KCND3: variants seen among roughly 807,000 people sequenced by gnomAD.
The protein encoded by KCND3 is A-type voltage-gated potassium channel KCND3.
KCND3 carries 9 observed loss-of-function variants against 51.1 expected under a neutral mutation model. The observed-to-expected ratio is 0.18, with a 90% CI of 0.11 to 0.31. The LOEUF is 0.31. Among genes scored for constraint, KCND3 ranks in the 10% least tolerant of loss-of-function variants. The pLI is 1.00. For missense variants in KCND3, 526 were observed against 903.8 expected, an observed-to-expected ratio of 0.58 and a Z score of 5.36; for synonymous variants, 349 against 368.0, an observed-to-expected ratio of 0.95 and a Z score of 0.59.
At chr1:111,865,580 A>C (rs1668520333) in intron 2 of KCND3, among the ~76,000 whole-genome samples, 1 of 152,234 alleles carries the variant, frequency 6.6e-6, no homozygotes, top group African/African-American at 2.4e-5. Context: ...ACATAGAAAT[A>C]ATGTCTCTGA....
At chr1:111,791,120 T>C (rs1664806690) in intron 2 of KCND3, among the ~76,000 whole-genome samples, 1 of 152,216 alleles carries the variant, frequency 6.6e-6, no homozygotes, top group Admixed American at 6.5e-5. Context: ...ACTGCCAAAA[T>C]GTTTTCCAGA....
chr1:111,893,055 T>C (rs1255090681), intron 2 of KCND3, among the ~76,000 whole-genome samples: 1 of 152,234 alleles, frequency 6.6e-6, no homozygotes, highest in Non-Finnish European at 1.5e-5. Context: ...CAGATGCTTA[T>C]TGAGCAGATG....
chr1:111,855,950 C>A (rs946429510), intron 2 of KCND3, among the ~76,000 whole-genome samples: 1 of 152,160 alleles, frequency 6.6e-6, no homozygotes, highest in Admixed American at 6.5e-5. Flanking sequence ...AACTATGGGG[C>A]AGAGCCAGTC....
chr1:111,881,906 A>G (rs1204677327), intron 2 of KCND3, among the ~76,000 whole-genome samples: 1 of 152,222 alleles, frequency 6.6e-6, no homozygotes, highest in Non-Finnish European at 1.5e-5. Context: ...GGCTGGAGCC[A>G]GACAAGAGCA....
chr1:111,844,909 C>T (rs775252846), intron 2 of KCND3, among the ~76,000 whole-genome samples: 10 of 152,184 alleles, frequency 6.6e-5, no homozygotes, highest in Non-Finnish European at 1.5e-4. Context: ...TCAACCTCTC[C>T]ATCTCTACTA....
chr1:111,861,215 G>C (rs531932514), intron 2 of KCND3, among the ~76,000 whole-genome samples: 5 of 152,114 alleles, frequency 3.3e-5, no homozygotes, highest in Non-Finnish European at 5.9e-5. Flanking sequence ...CAATGGGGTA[G>C]GGGCTTCCTT....
At chr1:111,865,094 GC>G (rs1269418475) in intron 2 of KCND3, among the ~76,000 whole-genome samples, 1 of 152,130 alleles carries the variant, frequency 6.6e-6, no homozygotes, top group East Asian at 1.9e-4. Flanking sequence ...GAATGCTAAG[GC>G]CCCACTATCA....
intron 2 of KCND3, among the ~76,000 whole-genome samples, chr1:111,913,529 A>T (rs1350927904): frequency 6.6e-6 from 1 of 152,232 alleles, no homozygotes; most frequent in Non-Finnish European, 1.5e-5. Context: ...ACTTAACTCT[A>T]TACCAGAACA....
At chr1:111,980,909 A>G (rs1324234747) in intron 2 of KCND3, among the ~76,000 whole-genome samples, 1 of 152,116 alleles carries the variant, frequency 6.6e-6, no homozygotes, top group Non-Finnish European at 1.5e-5. Context: ...TCTGTGTCTG[A>G]CCACATGATC....
At chr1:111,866,843 C>T (rs1668598567) in intron 2 of KCND3, among the ~76,000 whole-genome samples, 1 of 152,144 alleles carries the variant, frequency 6.6e-6, no homozygotes, top group Admixed American at 6.5e-5. Context: ...TAAATCAGGT[C>T]TAATGGCAAT....
intron 2 of KCND3, among the ~76,000 whole-genome samples, chr1:111,970,935 G>A (rs541515099): frequency 6.6e-6 from 1 of 152,288 alleles, no homozygotes; most frequent in Non-Finnish European, 1.5e-5. Context: ...CAAGACAGAT[G>A]TCTCCTAGAG....
intron 2 of KCND3, among the ~76,000 whole-genome samples, chr1:111,923,155 G>A (rs997713699): frequency 6.6e-6 from 1 of 152,184 alleles, no homozygotes; most frequent in Non-Finnish European, 1.5e-5. Context: ...TACAGCTTGG[G>A]GCACATTCTC....
chr1:111,891,011 C>T (rs2101761716), intron 2 of KCND3, among the ~76,000 whole-genome samples: 2 of 152,272 alleles, frequency 1.3e-5, no homozygotes, highest in South Asian at 4.2e-4. Flanking sequence ...CACTGACAGG[C>T]TGCATGGCAG....
At chr1:111,950,858 C>G (rs1673026379) in intron 2 of KCND3, among the ~76,000 whole-genome samples, 1 of 152,144 alleles carries the variant, frequency 6.6e-6, no homozygotes, top group Non-Finnish European at 1.5e-5. Context: ...GATGTTTTGT[C>G]CAGTCATTGC....
intron 2 of KCND3, among the ~76,000 whole-genome samples, chr1:111,799,680 G>A (rs17028571): frequency 0.012 from 1,883 of 152,322 alleles, 40 homozygotes; most frequent in East Asian, 0.06. Flanking sequence ...GTAGCCCATC[G>A]CAGAGCGCAA....
chr1:111,807,452 T>C (rs1571669517), intron 2 of KCND3, among the ~76,000 whole-genome samples: 1 of 151,944 alleles, frequency 6.6e-6, no homozygotes, highest in Non-Finnish European at 1.5e-5. Flanking sequence ...CCAAGGCGGG[T>C]GGATCATGAG....
intron 2 of KCND3, among the ~76,000 whole-genome samples, chr1:111,973,088 T>C (rs933902472): frequency 1.4e-4 from 22 of 152,236 alleles, no homozygotes; most frequent in African/African-American, 5.3e-4. Flanking sequence ...CATCAGTCTT[T>C]GACATGCATT....
chr1:111,958,328 AC>A (rs775612409), intron 2 of KCND3, among the ~76,000 whole-genome samples: 4 of 152,162 alleles, frequency 2.6e-5, no homozygotes, highest in Non-Finnish European at 2.9e-5. Flanking sequence ...ACCCTGCAGG[AC>A]CCTGAGCTGC....
intron 2 of KCND3, among the ~76,000 whole-genome samples, chr1:111,972,492 A>G (rs1674398121): frequency 6.6e-6 from 1 of 152,194 alleles, no homozygotes; most frequent in Non-Finnish European, 1.5e-5. Flanking sequence ...TATCTTAAAC[A>G]CTAGCAAACC....
Sources: gnomAD v4.1 joint callset for allele counts (sites outside exome capture counted in the v4.1 genomes callset) on GRCh38, gnomAD v4.1.1 for gene constraint, MANE v1.5 for transcripts, NCBI Gene and HGNC (gene_info 2026-07-23, HGNC 2026-07-21) for gene names.